HS3ST4: variants seen among roughly 807,000 people sequenced by gnomAD.
The protein encoded by HS3ST4 is heparan sulfate glucosamine 3-O-sulfotransferase 4.
Under a neutral mutation model 29.2 loss-of-function variants are expected in HS3ST4, and 17 were observed. The ratio of observed to expected loss-of-function variants is 0.58; its 90% CI spans 0.40 to 0.87. The LOEUF is 0.87. Ranked by LOEUF, HS3ST4 falls within the 40% of genes least tolerant of loss-of-function variation. The pLI is 0.00. For synonymous variants in HS3ST4, 314 were observed against 285.7 expected, an observed-to-expected ratio of 1.10 and a Z score of -1.00; for missense variants, 627 against 634.5, an observed-to-expected ratio of 0.99 and a Z score of 0.13.
At chr16:25,774,650 A>G (rs1192388517) in intron 1 of HS3ST4, among the ~76,000 whole-genome samples, 1 of 152,108 alleles carries the variant, frequency 6.6e-6, no homozygotes, top group Non-Finnish European at 1.5e-5. Context: ...TTCTACCCCA[A>G]CGTGTGGATG....
chr16:25,715,009 T>A (rs1297923588), intron 1 of HS3ST4, among the ~76,000 whole-genome samples: 6 of 152,234 alleles, frequency 3.9e-5, no homozygotes, highest in Admixed American at 3.9e-4. Flanking sequence ...CCCCATGTAC[T>A]GATAGATATA....
intron 1 of HS3ST4, among the ~76,000 whole-genome samples, chr16:25,783,645 T>A (rs1322664231): frequency 6.6e-6 from 1 of 152,204 alleles, no homozygotes; most frequent in East Asian, 1.9e-4. Flanking sequence ...CCGCTGAGGT[T>A]AATTTTTTTT....
At chr16:26,096,497 A>T (rs9888823) in intron 1 of HS3ST4, among the ~76,000 whole-genome samples, 8,018 of 152,288 alleles carry the variant, frequency 0.053, 366 homozygotes, top group Admixed American at 0.16. Context: ...CAAAAACCAC[A>T]TGATTATCTC....
At position 25,726,232 on chromosome 16, in the gene HS3ST4, A is replaced by T. The variant is rs528493680; in HGVS notation, c.734+33081A>T. On this transcript the variant is annotated intron_variant, in intron 1 of 1. Coordinates refer to ENST00000331351, the MANE Select transcript of HS3ST4 (RefSeq NM_006040.3). ...ATAATGTATTTACCTGATGTTATAC[A>T]GTTGAACATGTAAATTGCTTTCAAT... 2.0e-5 allele frequency among the ~76,000 whole-genome samples: 3 copies of T among 152,350 alleles called. No individual in the cohort carries two copies. The East Asian group carries it at 5.8e-4, about 29-fold the overall frequency.
intron 1 of HS3ST4, among the ~76,000 whole-genome samples, chr16:26,127,609 A>G (rs1262914570): frequency 6.6e-6 from 1 of 152,200 alleles, no homozygotes; most frequent in Non-Finnish European, 1.5e-5. Flanking sequence ...GAATGGGGTT[A>G]AGGAGCATTG....
intron 1 of HS3ST4, among the ~76,000 whole-genome samples, chr16:25,735,389 C>CT (rs368919724): frequency 0.019 from 2,799 of 145,344 alleles, 88 homozygotes; most frequent in African/African-American, 0.064. Flanking sequence ...TGTACTTTTT[C>CT]TTTTTTTTTT....
intron 1 of HS3ST4, chr16:25,933,234 A>G (rs1968483468): frequency 2.5e-6 from 1 of 406,234 alleles, no homozygotes; most frequent in African/African-American, 2.1e-5. Flanking sequence ...GAAGAGGAAG[A>G]CTTCTCATAT....
At chr16:25,976,521 T>C (rs1596632780) in intron 1 of HS3ST4, among the ~76,000 whole-genome samples, 1 of 152,218 alleles carries the variant, frequency 6.6e-6, no homozygotes, top group South Asian at 2.1e-4. Context: ...AGATCTTTGA[T>C]GCTTCCTGCA....
intron 1 of HS3ST4, among the ~76,000 whole-genome samples, chr16:26,128,485 C>G (rs1899375614): frequency 6.6e-6 from 1 of 152,202 alleles, no homozygotes; most frequent in African/African-American, 2.4e-5. Context: ...TTCCTTCTTT[C>G]TTGGCTGCAA....
chr16:26,026,871 G>A lies in HS3ST4; in HGVS notation c.735-108741G>A, dbSNP rs558082507. On this transcript the variant is annotated intron_variant, in intron 1 of 1. Transcript: ENST00000331351. ...AGGAACTTCCGCTGTGTAGGGCAAA[G>A]TGGAAGGGAGATGTCCTCATGGGAC... 4.6e-5 allele frequency among the ~76,000 whole-genome samples: 7 copies of A among 152,318 alleles called. No individual in the cohort carries two copies. The East Asian group carries it at 1.2e-3, about 25-fold the overall frequency.
At chr16:25,857,908 C>CT (rs1162049915) in intron 1 of HS3ST4, among the ~76,000 whole-genome samples, 1,334 of 44,116 alleles carry the variant, frequency 0.03, 16 homozygotes, top group East Asian at 0.066. Context: ...TTCTTCCTTC[C>CT]TTCCTTCCTT....
intron 1 of HS3ST4, among the ~76,000 whole-genome samples, chr16:25,920,431 A>T (rs1968336189): frequency 6.6e-6 from 1 of 151,838 alleles, no homozygotes; most frequent in Non-Finnish European, 1.5e-5. Context: ...TTTATCTCCT[A>T]CCACACTTGC....
chr16:25,738,983 C>T (rs932374460), intron 1 of HS3ST4, among the ~76,000 whole-genome samples: 1 of 152,174 alleles, frequency 6.6e-6, no homozygotes, highest in African/African-American at 2.4e-5. Context: ...ATAGCACTTG[C>T]CACTGCCTAG....
At chr16:26,054,269 G>GGAGAGAGAGAGAGAGAGAGAGAGAGAGA (rs58364733) in intron 1 of HS3ST4, among the ~76,000 whole-genome samples, 1 of 133,640 alleles carries the variant, frequency 7.5e-6, no homozygotes, top group African/African-American at 2.9e-5. Flanking sequence ...ACAGAGAGAG[G>GGAGAGAGAGAGAGAGAGAGAGAGAGAGA]GAGAGAGAGA....
At chr16:25,956,605 G>A (rs939609919) in intron 1 of HS3ST4, among the ~76,000 whole-genome samples, 3 of 150,640 alleles carry the variant, frequency 2.0e-5, no homozygotes, top group Non-Finnish European at 4.4e-5. Context: ...AATGAATTCA[G>A]TAAAGTCTAA....
At chr16:25,721,885 C>T in intron 1 of HS3ST4, among the ~76,000 whole-genome samples, 1 of 152,182 alleles carries the variant, frequency 6.6e-6, no homozygotes, top group East Asian at 1.9e-4. Context: ...GATTCAAATG[C>T]ATATTTATGC....
intron 1 of HS3ST4, among the ~76,000 whole-genome samples, chr16:25,742,602 G>C (rs1417752945): frequency 1.3e-5 from 2 of 152,184 alleles, no homozygotes; most frequent in Non-Finnish European, 2.9e-5. Flanking sequence ...TAGATTCTGG[G>C]CAAGTGAAAG....
intron 1 of HS3ST4, among the ~76,000 whole-genome samples, chr16:26,077,158 A>G (rs1005998750): frequency 2.6e-5 from 4 of 152,192 alleles, no homozygotes; most frequent in African/African-American, 7.2e-5. Flanking sequence ...GGGCCACCTC[A>G]GTCTCTTTGC....
At chr16:25,902,741 G>A (rs1968131221) in intron 1 of HS3ST4, among the ~76,000 whole-genome samples, 1 of 151,564 alleles carries the variant, frequency 6.6e-6, no homozygotes, top group Non-Finnish European at 1.5e-5. Context: ...GCAATGTGGT[G>A]GTTCTAGGCA....
Sources: gnomAD v4.1 joint callset for allele counts (sites outside exome capture counted in the v4.1 genomes callset) on GRCh38, gnomAD v4.1.1 for gene constraint, MANE v1.5 for transcripts, NCBI Gene and HGNC (gene_info 2026-07-23, HGNC 2026-07-21) for gene names.